AP3B1: variants seen among roughly 807,000 people sequenced by gnomAD.
AP3B1 encodes AP-3 complex subunit beta-1.
Under a neutral mutation model 132.5 loss-of-function variants are expected in AP3B1, and 61 were observed. The ratio of observed to expected loss-of-function variants is 0.46; its 90% CI spans 0.37 to 0.57. The LOEUF is 0.57. AP3B1 is among the 20% of genes least tolerant of loss of function. AP3B1 has a pLI of 0.00. For missense variants in AP3B1, 1,120 were observed against 1,289.4 expected (o/e 0.87, Z 2.01); for synonymous variants, 388 against 438.3 (o/e 0.89, Z 1.43).
chr5:78,271,817 G>A (rs1748555910), intron 1 of AP3B1, among the ~76,000 whole-genome samples: 2 of 152,170 alleles, frequency 1.3e-5, no homozygotes, highest in Non-Finnish European at 1.5e-5. Context: ...ATAGCATAAC[G>A]TCACATGACA....
rs66493022 is a variant in AP3B1 at position 78,223,027 on chromosome 5, C to CTCTTTTTTTTTTTTTTTTT, written c.603+2514_603+2515insAAAAAAAAAAAAAAAAAGA. 9.8e-4 allele frequency among the ~76,000 whole-genome samples: 125 copies of CTCTTTTTTTTTTTTTTTTT among 127,760 alleles called. 3 individuals are homozygous for CTCTTTTTTTTTTTTTTTTT. The highest frequency in any genetic ancestry group is 1.2e-3 in the Non-Finnish European group (72 of 60,348). The allele number at this position is 127,760 out of a possible 152,430, so 83.8% of individuals were successfully genotyped here. ...TGTTTTTTTGTTTGTTTGTTTGTTT[C>CTCTTTTTTTTTTTTTTTTT]TTTTTTTTTTTTTGTAGAGACAAGG... On this transcript the variant is annotated intron_variant, in intron 6 of 26. Transcript: ENST00000255194.
At chr5:78,024,574 T>G (rs1747252163) in intron 24 of AP3B1, among the ~76,000 whole-genome samples, 1 of 147,634 alleles carries the variant, frequency 6.8e-6, no homozygotes. Context: ...TTTTTTTTTT[T>G]TTTTTTTTGA....
chr5:78,036,125 C>T lies in AP3B1; in HGVS notation c.2810-1680G>A, dbSNP rs562727378. 4.9e-4 allele frequency among the ~76,000 whole-genome samples: 74 copies of T among 152,192 alleles called. 1 individual carries two copies. Among genetic ancestry groups the T allele is most frequent in the African/African-American group, 1.7e-3 (72 of 41,554 alleles). On this transcript the variant is annotated intron_variant, in intron 23 of 26. Transcript: ENST00000255194. ...AGCTCTCAAGATGCCTTGTTGATAG[C>T]ACTCTTTGACACTGTTTGATACTGT...
At chr5:78,228,530 T>C (rs979744037) in intron 3 of AP3B1, among the ~76,000 whole-genome samples, 1 of 152,136 alleles carries the variant, frequency 6.6e-6, no homozygotes, top group Admixed American at 6.5e-5. Flanking sequence ...ATTAACTAAA[T>C]TGTAAAAATA....
At chr5:78,023,336 G>T (rs149339158) in intron 24 of AP3B1, among the ~76,000 whole-genome samples, 1 of 152,242 alleles carries the variant, frequency 6.6e-6, no homozygotes, top group East Asian at 1.9e-4. Context: ...TAGCTACTTG[G>T]GAGCGTGAGC....
chr5:78,040,521 T>C (rs769215012), intron 22 of AP3B1, among the ~76,000 whole-genome samples: 21 of 152,190 alleles, frequency 1.4e-4, no homozygotes, highest in Non-Finnish European at 2.5e-4. Context: ...CATTAGACTC[T>C]TAATTAAATT....
intron 11 of AP3B1, among the ~76,000 whole-genome samples, chr5:78,174,344 T>C (rs981597468): frequency 1.3e-5 from 2 of 152,236 alleles, no homozygotes; most frequent in African/African-American, 4.8e-5. Context: ...TGGTCTTTGA[T>C]GTTGGTGACC....
At chr5:78,051,606 G>T (rs2112125265) in intron 22 of AP3B1, among the ~76,000 whole-genome samples, 1 of 152,194 alleles carries the variant, frequency 6.6e-6, no homozygotes, top group East Asian at 1.9e-4. Context: ...TCCACGTAAA[G>T]CTTTATGAAA....
chr5:78,031,033 T>C (rs1435181400), intron 24 of AP3B1, among the ~76,000 whole-genome samples: 1 of 152,214 alleles, frequency 6.6e-6, no homozygotes, highest in African/African-American at 2.4e-5. Context: ...TTCATTGTCT[T>C]TTCTTTCCTG....
chr5:78,220,479 T>C (rs1746131138), intron 6 of AP3B1, among the ~76,000 whole-genome samples: 1 of 151,484 alleles, frequency 6.6e-6, no homozygotes, highest in African/African-American at 2.4e-5. Context: ...TCCAACAGTA[T>C]AGAAAAAAAA....
intron 11 of AP3B1, among the ~76,000 whole-genome samples, chr5:78,166,014 G>A (rs1246960039): frequency 6.6e-6 from 1 of 151,260 alleles, no homozygotes; most frequent in Non-Finnish European, 1.5e-5. Flanking sequence ...GGAGGCAGAG[G>A]TTGCAGTGAG....
intron 22 of AP3B1, among the ~76,000 whole-genome samples, chr5:78,044,821 T>C (rs1030206390): frequency 1.3e-5 from 2 of 152,214 alleles, no homozygotes; most frequent in African/African-American, 4.8e-5. Context: ...TCTACAGCTT[T>C]ATTATAATTA....
At chr5:78,113,172 T>G (rs1580360708) in intron 19 of AP3B1, among the ~76,000 whole-genome samples, 2 of 152,194 alleles carry the variant, frequency 1.3e-5, no homozygotes, top group African/African-American at 4.8e-5. Context: ...CAGAGGCCAC[T>G]CGCTGACAGC....
intron 2 of AP3B1, among the ~76,000 whole-genome samples, chr5:78,245,130 T>G (rs941304766): frequency 3.5e-4 from 54 of 152,204 alleles, no homozygotes; most frequent in Non-Finnish European, 7.1e-4. Context: ...AGGGGGCCAG[T>G]TGTACTTTTG....
chr5:78,264,249 T>C (rs1442451035), intron 2 of AP3B1, among the ~76,000 whole-genome samples: 1 of 152,220 alleles, frequency 6.6e-6, no homozygotes, highest in Non-Finnish European at 1.5e-5. Flanking sequence ...GATGAAATTA[T>C]GTTTAATTTT....
chr5:78,042,711 C>G (rs1363358461), intron 22 of AP3B1: 1 of 165,994 alleles, frequency 6.0e-6, no homozygotes, highest in Non-Finnish European at 1.4e-5. Flanking sequence ...CCCAAGTCAA[C>G]CACACCAAGG....
Position 78,113,900 on chromosome 5 carries a change from C to T in AP3B1, c.2101G>A (p.Gly701Arg). Residue 701 changes from glycine (G) to arginine (R), a missense_variant, in exon 19 of 27, where the codon GGA (glycine) becomes AGA (arginine). By Grantham distance (125) the Gly-to-Arg change is moderately radical. This residue lies in a region of AP3B1 where 906 missense variants were observed against 997.1 expected (regional missense o/e 0.91). Transcript: ENST00000255194. ...DSESESGSES[G>R]EQGESGEEGD... is the part of the protein sequence containing the mutation. ...TCCTCCCCACTTTCGCCTTGTTCTC[C>T]ACTTTCACTTCCAGATTCACTCTCT... 6.2e-7 allele frequency: 1 copy of T among 1,614,172 alleles called. No individual in the cohort carries two copies. Among genetic ancestry groups the T allele is most frequent in the African/African-American group, 1.3e-5 (1 of 75,042 alleles).
chr5:78,003,573 T>C (rs191892712), intron 26 of AP3B1: 236 of 289,000 alleles, frequency 8.2e-4, no homozygotes, highest in East Asian at 6.9e-3. Flanking sequence ...AATTCACTCA[T>C]GTAACAATAT....
At chr5:78,128,984 G>A (rs761950598) in intron 16 of AP3B1, 137 bp downstream of exon 16, 2 of 740,984 alleles carry the variant, frequency 2.7e-6, no homozygotes, top group East Asian at 5.6e-5. Context: ...TGAGTAGAAA[G>A]CATGCTGTTC....
Sources: gnomAD v4.1 joint callset for allele counts (sites outside exome capture counted in the v4.1 genomes callset) on GRCh38, gnomAD v4.1.1 for gene constraint, gnomAD v4.1.1 regional missense constraint, MANE v1.5 for transcripts, NCBI Gene and HGNC (gene_info 2026-07-23, HGNC 2026-07-21) for gene names.